MAP3K7CL: variants seen among roughly 807,000 people sequenced by gnomAD.
The protein encoded by MAP3K7CL is MAP3K7 C-terminal-like protein.
A neutral mutation model predicts 18.6 loss-of-function variants in MAP3K7CL; 16 were observed. That is an observed-to-expected ratio of 0.86 (90% CI 0.58 to 1.31). The LOEUF (loss-of-function observed/expected upper bound fraction) is 1.31. Among genes scored for constraint, MAP3K7CL ranks in the 50% most tolerant of loss-of-function variants. MAP3K7CL has a pLI of 0.00. For missense variants in MAP3K7CL, 163 were observed against 174.4 expected (o/e 0.93, Z 0.37); for synonymous variants, 65 against 66.8 (o/e 0.97, Z 0.13).
Position 29,175,100 on chromosome 21 carries a change from G to T in MAP3K7CL, c.*208G>T, listed in dbSNP as rs143044276. The T allele has an allele frequency of 1.3e-4, 57 of 434,656 alleles. No homozygotes were observed. Among genetic ancestry groups the T allele is most frequent in the African/African-American group, 8.5e-4 (42 of 49,546 alleles). 26.9% of individuals were successfully genotyped at this position (434,656 alleles called of 1,614,324 possible). On this transcript the variant is annotated 3_prime_UTR_variant, in exon 5 of 5. Transcript: ENST00000399928. ...GATCATTAACGTGAAACTATTACTA[G>T]TATATGTTTTTGGAGATCAGAATTC...
rs2086811739 is a variant in MAP3K7CL, at chr21:29,133,179, G to GT, written c.-39-126dup. 22 of 551,558 alleles carry GT rather than the reference G, an allele frequency of 4.0e-5. 1 individual carries two copies. The South Asian group carries it at 8.2e-4, about 21-fold the overall frequency. 34.2% of individuals were successfully genotyped at this position (551,558 alleles called of 1,614,324 possible). On this transcript the variant is annotated intron_variant, in intron 1 of 4. Transcript: ENST00000399928. ...ACATAGAAAAAGCTCAAAACTAGGA[G>GT]TATCTTTAGAATAAGCAGGTAATGC...
At chr21:29,167,111 A>G (rs890112779) in intron 4 of MAP3K7CL, among the ~76,000 whole-genome samples, 1 of 152,244 alleles carries the variant, frequency 6.6e-6, no homozygotes, top group Non-Finnish European at 1.5e-5. Context: ...GTGAAACAAT[A>G]TGTCATTGTG....
chr21:29,121,170 G>A (rs2086589082), intron 4 of MAP3K7CL, among the ~76,000 whole-genome samples: 1 of 151,300 alleles, frequency 6.6e-6, no homozygotes, highest in South Asian at 2.1e-4. Context: ...CTACAGTGAA[G>A]GAAATGGCAC....
chr21:29,158,270 T>C (rs1175161084), intron 3 of MAP3K7CL, among the ~76,000 whole-genome samples: 1 of 152,208 alleles, frequency 6.6e-6, no homozygotes, highest in African/African-American at 2.4e-5. Flanking sequence ...TCTGAATTCC[T>C]TTGGCAATAG....
intron 1 of MAP3K7CL, among the ~76,000 whole-genome samples, chr21:29,132,388 T>C (rs2086795766): frequency 6.6e-6 from 1 of 152,238 alleles, no homozygotes; most frequent in South Asian, 2.1e-4. Context: ...TCTTTGCTTT[T>C]ATAGAGTGTT....
intron 3 of MAP3K7CL, 58 bp from the exon 4 acceptor site, chr21:29,159,883 G>A: frequency 4.3e-6 from 6 of 1,379,836 alleles, no homozygotes; most frequent in Non-Finnish European, 6.1e-6. Context: ...GAGCAAAATG[G>A]TTGGTAATTT....
intron 4 of MAP3K7CL, among the ~76,000 whole-genome samples, chr21:29,173,647 C>A (rs983104985): frequency 6.6e-6 from 1 of 151,766 alleles, no homozygotes; most frequent in African/African-American, 2.4e-5. Context: ...GACCTGGTAT[C>A]CTTTGGGTTA....
At chr21:29,137,087 T>G (rs2086902267) in intron 2 of MAP3K7CL, among the ~76,000 whole-genome samples, 1 of 152,224 alleles carries the variant, frequency 6.6e-6, no homozygotes, top group Non-Finnish European at 1.5e-5. Flanking sequence ...TTTAGCAGAG[T>G]GCTTGATACA....
At chr21:29,157,376 A>G (rs959080897) in intron 3 of MAP3K7CL, among the ~76,000 whole-genome samples, 1 of 152,180 alleles carries the variant, frequency 6.6e-6, no homozygotes, top group Non-Finnish European at 1.5e-5. Context: ...ATAGAAATCT[A>G]TATTGCTCTT....
chr21:29,093,513 G>A (rs1220620371), intron 4 of MAP3K7CL, among the ~76,000 whole-genome samples: 1 of 151,294 alleles, frequency 6.6e-6, no homozygotes, highest in Middle Eastern at 3.4e-3. Context: ...ATGGAGTCTC[G>A]CTCTGTCACC....
At chr21:29,174,537 G>C (rs1254251175) in intron 4 of MAP3K7CL, among the ~76,000 whole-genome samples, 175 bp from the exon 5 acceptor site, 1 of 152,166 alleles carries the variant, frequency 6.6e-6, no homozygotes, top group Non-Finnish European at 1.5e-5. Flanking sequence ...CTAGAATAAA[G>C]GGATATAAAA....
intron 4 of MAP3K7CL, among the ~76,000 whole-genome samples, chr21:29,094,357 G>A (rs986922805): frequency 6.6e-6 from 1 of 152,240 alleles, no homozygotes; most frequent in Non-Finnish European, 1.5e-5. Context: ...CCCAGGGGAA[G>A]TATCGAAACA....
intron 4 of MAP3K7CL, chr21:29,122,167 T>C (rs1338959020): frequency 2.6e-5 from 4 of 152,214 alleles, no homozygotes; most frequent in Non-Finnish European, 4.4e-5. Context: ...GTGGCTTGTT[T>C]ACTGAGCCCG....
intron 4 of MAP3K7CL, among the ~76,000 whole-genome samples, chr21:29,173,902 A>G (rs1372778902): frequency 6.6e-6 from 1 of 152,110 alleles, no homozygotes; most frequent in South Asian, 2.1e-4. Flanking sequence ...TTGTCTCGCT[A>G]TGTTGCCGAG....
chr21:29,165,520 A>G (rs893946942), intron 4 of MAP3K7CL, among the ~76,000 whole-genome samples: 11 of 152,070 alleles, frequency 7.2e-5, no homozygotes, highest in Non-Finnish European at 1.5e-5. Flanking sequence ...AGTCCATTGT[A>G]TTATCCTTAT....
At chr21:29,087,467 T>C (rs755047188) in intron 1 of MAP3K7CL, among the ~76,000 whole-genome samples, 5 of 152,174 alleles carry the variant, frequency 3.3e-5, no homozygotes, top group Admixed American at 6.5e-5. Context: ...AATAAATGAA[T>C]GAACCTCAGT....
chr21:29,152,699 A>G (rs2087305511), intron 3 of MAP3K7CL, among the ~76,000 whole-genome samples: 1 of 152,210 alleles, frequency 6.6e-6, no homozygotes. Flanking sequence ...GTGTTTCCCT[A>G]CATATGATCT....
chr21:29,142,418 G>C (rs1191119741), intron 2 of MAP3K7CL, among the ~76,000 whole-genome samples: 1 of 152,220 alleles, frequency 6.6e-6, no homozygotes, highest in African/African-American at 2.4e-5. Context: ...CACAAGACCT[G>C]AGGTTATGGC....
intron 4 of MAP3K7CL, among the ~76,000 whole-genome samples, chr21:29,116,333 C>A (rs1568944328): frequency 6.6e-6 from 1 of 152,052 alleles, no homozygotes; most frequent in Non-Finnish European, 1.5e-5. Flanking sequence ...CTTATAAGTA[C>A]AAATATTTAA....
Sources: gnomAD v4.1 joint callset for allele counts (sites outside exome capture counted in the v4.1 genomes callset) on GRCh38, gnomAD v4.1.1 for gene constraint, MANE v1.5 for transcripts, NCBI Gene and HGNC (gene_info 2026-07-23, HGNC 2026-07-21) for gene names.